Variants in CD151 observed in about 807,000 individuals in gnomAD.
The protein encoded by CD151 is CD151 antigen.
CD151 carries 20 observed loss-of-function variants against 34.2 expected under a neutral mutation model. The ratio of observed to expected loss-of-function variants is 0.58; its 90% CI spans 0.41 to 0.85. The LOEUF is 0.85. Among genes scored for constraint, CD151 ranks in the 40% least tolerant of loss-of-function variants. The pLI is 0.00. For synonymous variants in CD151, 157 were observed against 131.7 expected (o/e 1.19, Z -1.32); for missense variants, 306 against 324.5 (o/e 0.94, Z 0.44).
At position 836,104 on chromosome 11, in the gene CD151, G is replaced by C. The variant is rs1416536967; in HGVS notation, c.35G>C (p.Gly12Ala). 4 of 1,612,966 alleles carry C rather than the reference G, an allele frequency of 2.5e-6. No homozygotes were observed. In the Admixed American group the frequency reaches 5.0e-5, roughly 20 times the overall value. The change falls in exon 3 of 9, where the codon GGC (glycine) becomes GCC (alanine). Residue 12 changes from glycine (G) to alanine (A), a missense_variant. Gly to Ala is a moderately conservative substitution (Grantham distance 60, BLOSUM62 0). Coordinates refer to ENST00000397420, the MANE Select transcript of CD151 (RefSeq NM_004357.5). ...TTCAACGAGAAGAAGACAACATGTG[G>C]CACCGTTTGCCTCAAGTACCTGCTG... ...GEFNEKKTTCGTVCLKYLLFT... is the reference protein window; with the variant it reads ...GEFNEKKTTCATVCLKYLLFT...
Position 838,142 on chromosome 11 carries a change from A to G in CD151, c.712A>G (p.Met238Val), listed in dbSNP as rs752107007. 6 of 1,613,086 alleles carry G rather than the reference A, an allele frequency of 3.7e-6. No individual in the cohort carries two copies. In the South Asian group the frequency reaches 4.4e-5, roughly 12 times the overall value. The change falls in exon 9 of 9, where the codon ATG becomes GTG. Residue 238 changes from methionine (M) to valine (V), a missense_variant. Coordinates refer to ENST00000397420, the MANE Select transcript of CD151 (RefSeq NM_004357.5). ...IGIACVQVFG[M>V]IFTCCLYRSL... Reference sequence around the variant, plus strand: ...CCGGCTCTGCACACAGGTCTTTGGCATGATCTTCACGTGCTGCCTGTACAG... The same window carrying G: ...CCGGCTCTGCACACAGGTCTTTGGCGTGATCTTCACGTGCTGCCTGTACAG...
chr11:838,425 A>C lies in CD151; in HGVS notation c.*233A>C. 1.7e-6 allele frequency: 1 copy of C among 589,274 alleles called. No homozygotes were observed. The highest frequency in any genetic ancestry group is 3.0e-6 in the Non-Finnish European group (1 of 330,642). The allele number at this position is 589,274 out of a possible 1,614,324, so 36.5% of individuals were successfully genotyped here. A position where few individuals can be genotyped will look rare whatever the true frequency, so the allele number is the denominator to read the frequency against. On this transcript the variant is annotated 3_prime_UTR_variant, in exon 9 of 9. Coordinates refer to ENST00000397420, the MANE Select transcript of CD151 (RefSeq NM_004357.5). ...GTGTTTTGTGGGGCTCCCCAGACAC[A>C]CTCTCTGCCTGGTGGTCAGATGCAG...
chr11:837,710 A>AT lies in CD151; in HGVS notation c.615+93dup, dbSNP rs1406682252. ...CTGTGGGCAGTGGGACACGCCTCCA[A>AT]TATCTACCAGGAGGTGGGGGGTCAC... On this transcript the variant is annotated intron_variant, in intron 7 of 8. Coordinates refer to ENST00000397420, the MANE Select transcript of CD151 (RefSeq NM_004357.5). 7.3e-5 allele frequency: 97 copies of AT among 1,332,596 alleles called. No individual in the cohort carries two copies. In the East Asian group the frequency reaches 2.0e-3, roughly 27 times the overall value. The allele number at this position is 1,332,596 out of a possible 1,614,324, so 82.5% of individuals were successfully genotyped here. A position where few individuals can be genotyped will look rare whatever the true frequency, so the allele number is the denominator to read the frequency against.
chr11:833,870 G>T (rs1322778226), intron 1 of CD151: 2 of 48,190 alleles, frequency 4.2e-5, no homozygotes, highest in African/African-American at 6.5e-5. Flanking sequence ...GTCTGCCTGT[G>T]CCACCCTTCC....
In CD151 at chr11:838,427, T is replaced by C; in HGVS notation, c.*235T>C. The C allele has an allele frequency of 3.4e-6, 2 of 593,306 alleles. No individual in the cohort carries two copies. Among genetic ancestry groups the C allele is most frequent in the South Asian group, 4.0e-5 (2 of 50,090 alleles). The allele number at this position is 593,306 out of a possible 1,614,324, so 36.8% of individuals were successfully genotyped here. A position where few individuals can be genotyped will look rare whatever the true frequency, so the allele number is the denominator to read the frequency against. ...GTTTTGTGGGGCTCCCCAGACACACTCTCTGCCTGGTGGTCAGATGCAGGT... is the reference window on the plus strand; with the variant it reads ...GTTTTGTGGGGCTCCCCAGACACACCCTCTGCCTGGTGGTCAGATGCAGGT... On this transcript the variant is annotated 3_prime_UTR_variant, in exon 9 of 9. Coordinates refer to ENST00000397420, the MANE Select transcript of CD151 (RefSeq NM_004357.5).
At chr11:837,810 G>A (rs572009885) in intron 7 of CD151, 132 bp from the exon 8 acceptor site, 2 of 861,698 alleles carry the variant, frequency 2.3e-6, no homozygotes, top group Admixed American at 4.7e-5. Context: ...CCCAGTGGCT[G>A]GCTGAGCTGT....
intron 1 of CD151, among the ~76,000 whole-genome samples, 162 bp downstream of exon 1, chr11:833,188 C>CCGCCTGGCCCAGCTCCCT (rs1225088943): frequency 1.3e-5 from 2 of 150,984 alleles, no homozygotes; most frequent in South Asian, 2.1e-4. Flanking sequence ...GCCGCACCCA[C>CCGCCTGGCCCAGCTCCCT]CGCCTGGCCC....
chr11:835,483 CG>C (rs1846720835), intron 2 of CD151: 2 of 151,336 alleles, frequency 1.3e-5, no homozygotes, highest in Non-Finnish European at 2.9e-5. Flanking sequence ...GGACCACAGG[CG>C]CCCACCATCA....
intron 4 of CD151, 49 bp downstream of exon 4, chr11:836,491 A>C: frequency 3.6e-6 from 5 of 1,398,834 alleles, no homozygotes; most frequent in Non-Finnish European, 4.9e-6. Flanking sequence ...GATGGGCCCA[A>C]GGAGGTTGTC....
chr11:837,930 C>G lies in CD151; in HGVS notation c.616-12C>G. On this transcript the variant is annotated splice_polypyrimidine_tract_variant and intron_variant, in intron 7 of 8. Coordinates refer to ENST00000397420, the MANE Select transcript of CD151 (RefSeq NM_004357.5). ...CCTGGGCCCGCCTTCAACACCCATC[C>G]GCGCCCCGCAGGGCGGCTGCATCAC... 2.5e-6 allele frequency: 4 copies of G among 1,605,622 alleles called. No homozygotes were observed. The highest frequency in any genetic ancestry group is 3.4e-6 in the Non-Finnish European group (4 of 1,175,160).
chr11:837,874 T>G, intron 7 of CD151, 68 bp from the exon 8 acceptor site: 1 of 1,275,486 alleles, frequency 7.8e-7, no homozygotes, highest in South Asian at 1.3e-5. Context: ...CCCTGGAGGC[T>G]GGAGGCAGTA....
intron 2 of CD151, 148 bp from the exon 3 acceptor site, chr11:835,915 C>G: frequency 3.1e-6 from 2 of 641,806 alleles, no homozygotes; most frequent in Admixed American, 4.5e-5. Flanking sequence ...TCTTGATCTC[C>G]TGACCTTGTG....
Position 838,303 on chromosome 11 carries a change from G to C in CD151, c.*111G>C. 1 of 893,324 alleles carries C rather than the reference G, an allele frequency of 1.1e-6. No individual in the cohort carries two copies. The highest frequency in any genetic ancestry group is 1.4e-5 in the South Asian group (1 of 70,868). The allele number at this position is 893,324 out of a possible 1,614,324, so 55.3% of individuals were successfully genotyped here. Reference sequence around the variant, plus strand: ...ACCCTGTGCCATCACCATAACCTCTGGGGACCCCAACCTCAGAGGCAGCTT... The same window carrying C: ...ACCCTGTGCCATCACCATAACCTCTCGGGACCCCAACCTCAGAGGCAGCTT... On this transcript the variant is annotated 3_prime_UTR_variant, in exon 9 of 9. Coordinates refer to ENST00000397420, the MANE Select transcript of CD151 (RefSeq NM_004357.5).
chr11:836,599 TG>T, intron 4 of CD151, 157 bp downstream of exon 4: 1 of 837,352 alleles, frequency 1.2e-6, no homozygotes, highest in Non-Finnish European at 1.9e-6. Flanking sequence ...ACGTTCCTGC[TG>T]GACCAGCTGA....
chr11:838,502 G>A lies in CD151; in HGVS notation c.*310G>A, dbSNP rs1846868624. The A allele has an allele frequency of 1.3e-5, 7 of 519,032 alleles. No individual in the cohort carries two copies. The highest frequency in any genetic ancestry group is 2.1e-5 in the Non-Finnish European group (6 of 288,744). 32.2% of individuals were successfully genotyped at this position (519,032 alleles called of 1,614,324 possible). A position where few individuals can be genotyped will look rare whatever the true frequency, so the allele number is the denominator to read the frequency against. ...CAAGGCCGAGCGTTCCCAGCAGGGG[G>A]AGAAACCCTTCACACCCCAGGCCCT... On this transcript the variant is annotated 3_prime_UTR_variant, in exon 9 of 9. Transcript: ENST00000397420.
chr11:837,989 G>T lies in CD151; in HGVS notation c.663G>T (p.Arg221Ser), dbSNP rs56125304. Residue 221 changes from arginine (R) to serine (S), a missense_variant, in exon 8 of 9, where the codon AGG (arginine) becomes AGT (serine). Physicochemically the swap from Arg to Ser is moderately radical, Grantham distance 110 (BLOSUM62 -1). Transcript: ENST00000397420. ...AGACCTTCATCCAGGAGCACCTGAG[G>T]GTCATTGGGGCTGTGGGGATCGGCA... ...KLETFIQEHL[R>S]VIGAVGIGIA... 1 of 1,613,476 alleles carries T rather than the reference G, an allele frequency of 6.2e-7. No homozygotes were observed. Among genetic ancestry groups the T allele is most frequent in the South Asian group, 1.1e-5 (1 of 91,060 alleles).
Position 836,760 on chromosome 11 carries a change from C to A in CD151, c.277-9C>A, listed in dbSNP as rs757285151. On this transcript the variant is annotated splice_polypyrimidine_tract_variant and intron_variant, in intron 4 of 8. Transcript: ENST00000397420. ...CAGAACAAGGGTGCCCTTGTGCTGC[C>A]CCCCCCAGTACTTCATCCTGCTCCT... 1.9e-6 allele frequency: 3 copies of A among 1,612,250 alleles called. No homozygotes were observed. Among genetic ancestry groups the A allele is most frequent in the East Asian group, 2.2e-5 (1 of 44,852 alleles).
In CD151 at chr11:836,763, C is replaced by G. The variant is rs1410316999; in HGVS notation, c.277-6C>G. On this transcript the variant is annotated splice_region_variant and splice_polypyrimidine_tract_variant and intron_variant, in intron 4 of 8. Transcript: ENST00000397420. Reference sequence around the variant, plus strand: ...AACAAGGGTGCCCTTGTGCTGCCCCCCCCAGTACTTCATCCTGCTCCTCAT... The same window carrying G: ...AACAAGGGTGCCCTTGTGCTGCCCCGCCCAGTACTTCATCCTGCTCCTCAT... The G allele has an allele frequency of 2.5e-6, 4 of 1,612,646 alleles. No individual in the cohort carries two copies. Among genetic ancestry groups the G allele is most frequent in the Non-Finnish European group, 2.5e-6 (3 of 1,179,880 alleles).
At chr11:835,931 C>T in intron 2 of CD151, 132 bp from the exon 3 acceptor site, 2 of 659,688 alleles carry the variant, frequency 3.0e-6, no homozygotes, top group Admixed American at 2.1e-5. Context: ...TTGTGATCTG[C>T]CTGCCTTGGC....
Sources: gnomAD v4.1 joint callset for allele counts (sites outside exome capture counted in the v4.1 genomes callset) on GRCh38, gnomAD v4.1.1 for gene constraint, MANE v1.5 for transcripts, NCBI Gene and HGNC (gene_info 2026-07-23, HGNC 2026-07-21) for gene names.